Variants in REV3L observed in about 807,000 individuals in gnomAD.
The protein encoded by REV3L is REV3 like, DNA directed polymerase zeta catalytic subunit.
Under a neutral mutation model 299.4 loss-of-function variants are expected in REV3L, and 69 were observed. That is an observed-to-expected ratio of 0.23 (90% CI 0.19 to 0.28). The LOEUF (loss-of-function observed/expected upper bound fraction) is 0.28, where lower values mean the gene tolerates loss of function less well. REV3L is among the 10% of genes least tolerant of loss of function. REV3L has a pLI of 1.00. For synonymous variants in REV3L, 1,238 were observed against 1,271.4 expected, an observed-to-expected ratio of 0.97 and a Z score of 0.56; for missense variants, 3,128 against 3,693.8, an observed-to-expected ratio of 0.85 and a Z score of 3.97.
chr6:111,437,444 T>C (rs550817060), intron 1 of REV3L, among the ~76,000 whole-genome samples: 2 of 151,994 alleles, frequency 1.3e-5, no homozygotes, highest in East Asian at 3.9e-4. Context: ...CTATACTATA[T>C]ATAAAATTAA....
At chr6:111,410,234 G>T (rs981256036) in intron 3 of REV3L, among the ~76,000 whole-genome samples, 6 of 152,058 alleles carry the variant, frequency 3.9e-5, no homozygotes, top group Non-Finnish European at 8.8e-5. Flanking sequence ...AAATAATGAT[G>T]AATAAATGAA....
intron 1 of REV3L, among the ~76,000 whole-genome samples, chr6:111,455,878 G>T (rs1790102391): frequency 1.3e-5 from 2 of 152,202 alleles, no homozygotes; most frequent in Middle Eastern, 3.4e-3. Context: ...TTACAATCCT[G>T]TGCCACATAA....
chr6:111,423,631 C>T (rs1158955393), intron 1 of REV3L, among the ~76,000 whole-genome samples: 4 of 152,002 alleles, frequency 2.6e-5, no homozygotes, highest in Non-Finnish European at 4.4e-5. Context: ...TATAAAGTTC[C>T]CTGTGGACAC....
chr6:111,374,113 T>C lies in REV3L; in HGVS notation c.4242A>G (p.Ala1414=). 1.2e-6 allele frequency: 2 copies of C among 1,614,186 alleles called. No individual in the cohort carries two copies. The highest frequency in any genetic ancestry group is 1.7e-6 in the Non-Finnish European group (2 of 1,179,986). The part of the protein sequence containing the change: ...RNSLESKLDQ[A]YTPNFLHCKD... Reference sequence around the variant, plus strand: ...TGCAATGCAAAAAATTAGGGGTATATGCTTGGTCCAGCTTTGATTCTAGGG... The same window carrying C: ...TGCAATGCAAAAAATTAGGGGTATACGCTTGGTCCAGCTTTGATTCTAGGG... Residue 1414 remains alanine, a synonymous_variant, in exon 13 of 32, where the codon GCA becomes GCG. Coordinates refer to ENST00000368802, the MANE Select transcript of REV3L (RefSeq NM_001372078.1).
chr6:111,317,853 T>A (rs981296870), intron 26 of REV3L, among the ~76,000 whole-genome samples: 1 of 152,200 alleles, frequency 6.6e-6, no homozygotes, highest in African/African-American at 2.4e-5. Context: ...TACTCTTTTA[T>A]ATCTGTCTTC....
intron 1 of REV3L, among the ~76,000 whole-genome samples, chr6:111,447,437 G>A (rs909971776): frequency 6.6e-6 from 1 of 152,104 alleles, no homozygotes; most frequent in Non-Finnish European, 1.5e-5. Flanking sequence ...CAAATGTCAC[G>A]ACTCTAAGGA....
chr6:111,303,516 GCCACCATACC>G (rs1023070543), intron 31 of REV3L, among the ~76,000 whole-genome samples: 2 of 151,216 alleles, frequency 1.3e-5, no homozygotes, highest in African/African-American at 2.4e-5. Context: ...ATAGGTGCCT[GCCACCATACC>G]CTGCTAATTT....
At position 111,376,214 on chromosome 6, in the gene REV3L, T is replaced by A; in HGVS notation, c.2141A>T (p.His714Leu). 3 of 1,613,476 alleles carry A rather than the reference T, an allele frequency of 1.9e-6. No individual in the cohort carries two copies. Among genetic ancestry groups the A allele is most frequent in the Non-Finnish European group, 1.7e-6 (2 of 1,179,878 alleles). Residue 714 changes from histidine to leucine, a missense_variant, in exon 13 of 32, where the codon CAT becomes CTT. By Grantham distance (99) the His-to-Leu change is moderately conservative. Around this residue, in one of 9 missense-constraint regions of REV3L, gnomAD observed 2,409 missense variants for 2,611.8 expected, o/e 0.92. Coordinates refer to ENST00000368802, the MANE Select transcript of REV3L (RefSeq NM_001372078.1). ...TTCAGAGGATACTTTATTTTTTGAA[T>A]GATTTAAGTCAGAAAAGTTGAAAGA... is the stretch of plus-strand genomic sequence containing the variant. ...KNSFNFSDLN[H>L]SKNKVSSEGN...
At chr6:111,349,107 T>C (rs1464440905) in intron 20 of REV3L, 111 bp downstream of exon 20, 6 of 602,598 alleles carry the variant, frequency 1.0e-5, no homozygotes, top group African/African-American at 1.9e-5. Context: ...ATAACAGTAA[T>C]TGACAAACGC....
chr6:111,438,727 AATT>A (rs1459729548), intron 1 of REV3L, among the ~76,000 whole-genome samples: 1 of 152,162 alleles, frequency 6.6e-6, no homozygotes, highest in Non-Finnish European at 1.5e-5. Context: ...GACTATGTTT[AATT>A]ATTTAGAGTC....
At chr6:111,476,476 C>T (rs985582883) in intron 1 of REV3L, among the ~76,000 whole-genome samples, 5 of 152,066 alleles carry the variant, frequency 3.3e-5, no homozygotes, top group African/African-American at 4.8e-5. Flanking sequence ...GTTTTGACTG[C>T]GACCCATCAT....
intron 1 of REV3L, among the ~76,000 whole-genome samples, chr6:111,428,522 A>G (rs10456875): frequency 0.4 from 61,245 of 151,950 alleles, 14,946 homozygotes; most frequent in Non-Finnish European, 0.55. Flanking sequence ...TTTAACAAGA[A>G]GAGTGAAATA....
At chr6:111,445,887 A>C (rs1454121622) in intron 1 of REV3L, among the ~76,000 whole-genome samples, 1 of 152,250 alleles carries the variant, frequency 6.6e-6, no homozygotes, top group Non-Finnish European at 1.5e-5. Context: ...TGGGGGTTAG[A>C]CAAAGCATAG....
chr6:111,379,862 T>TA (rs1780650404), intron 11 of REV3L, 120 bp downstream of exon 11: 1 of 711,724 alleles, frequency 1.4e-6, no homozygotes, highest in African/African-American at 1.8e-5. Flanking sequence ...AGGGGAATTT[T>TA]AAAACATCAA....
At position 111,416,291 on chromosome 6, in the gene REV3L, T is replaced by C. The variant is rs1295022592; in HGVS notation, c.321A>G (p.Val107=). The change falls in exon 2 of 32, where the codon GTA becomes GTG. Residue 107 remains valine (V), a synonymous_variant. Coordinates refer to ENST00000368802, the MANE Select transcript of REV3L (RefSeq NM_001372078.1). ...TAQHVFKVSL[V]SGMPFYGYHE... is the part of the protein sequence containing the mutation. ...TATTATCATATACTTACATTCCTGA[T>C]ACTAATGACACTTTGAACACATGCT... The C allele has an allele frequency of 1.9e-6, 3 of 1,607,152 alleles. No individual in the cohort carries two copies. In the South Asian group the frequency reaches 3.3e-5, roughly 18 times the overall value.
At chr6:111,470,562 T>G (rs147759021) in intron 1 of REV3L, among the ~76,000 whole-genome samples, 1 of 152,346 alleles carries the variant, frequency 6.6e-6, no homozygotes, top group Admixed American at 6.5e-5. Context: ...TAAAATGACG[T>G]AAAATTAAGG....
chr6:111,380,089 A>G lies in REV3L; in HGVS notation c.1347T>C (p.Ser449=), dbSNP rs747147816. The G allele has an allele frequency of 6.2e-6, 10 of 1,613,652 alleles. No homozygotes were observed. Among genetic ancestry groups the G allele is most frequent in the Non-Finnish European group, 7.6e-6 (9 of 1,179,790 alleles). The change falls in exon 11 of 32, where the codon AGT becomes AGC. Residue 449 remains serine (S), a synonymous_variant. Transcript: ENST00000368802. The part of the protein sequence containing the change: ...SFGNNKYPQN[S]DDEENEPQIE... ...TCTGTGGTTCATTTTCTTCATCATC[A>G]CTATTTTGTGGATATTTATTATTTC...
At chr6:111,382,914 G>C (rs1467357879) in intron 9 of REV3L, among the ~76,000 whole-genome samples, 2 of 152,166 alleles carry the variant, frequency 1.3e-5, no homozygotes, top group African/African-American at 4.8e-5. Flanking sequence ...TACCAGCTCA[G>C]CCACAGTAGA....
intron 1 of REV3L, among the ~76,000 whole-genome samples, chr6:111,422,265 A>G (rs1332342935): frequency 6.6e-6 from 1 of 152,100 alleles, no homozygotes; most frequent in East Asian, 1.9e-4. Flanking sequence ...GATTTTCTAA[A>G]TAAAGTTTTA....
Sources: gnomAD v4.1 joint callset for allele counts (sites outside exome capture counted in the v4.1 genomes callset) on GRCh38, gnomAD v4.1.1 for gene constraint, gnomAD v4.1.1 regional missense constraint, MANE v1.5 for transcripts, NCBI Gene and HGNC (gene_info 2026-07-23, HGNC 2026-07-21) for gene names.